The following RBFOX1 variants were observed in gnomAD, a reference collection of about 807,000 sequenced individuals.
RBFOX1 encodes RNA binding fox-1 homolog 1.
In RBFOX1, 8 loss-of-function variants were observed where a neutral mutation model predicts 57.7. That is an observed-to-expected ratio of 0.14 (90% CI 0.08 to 0.25). The LOEUF (loss-of-function observed/expected upper bound fraction) is 0.25, where lower values mean the gene tolerates loss of function less well. Ranked by LOEUF, RBFOX1 falls within the 10% of genes least tolerant of loss-of-function variation. The pLI is 1.00. For synonymous variants in RBFOX1, 326 were observed against 222.4 expected, an observed-to-expected ratio of 1.47 and a Z score of -4.15; for missense variants, 611 against 548.5, an observed-to-expected ratio of 1.11 and a Z score of -1.14.
intron 3 of RBFOX1, among the ~76,000 whole-genome samples, chr16:5,725,433 T>TA (rs1382118969): frequency 6.6e-5 from 10 of 151,862 alleles, no homozygotes; most frequent in Non-Finnish European, 4.4e-5. Flanking sequence ...TTATTATTAT[T>TA]TTTATTTTTT....
intron 3 of RBFOX1, among the ~76,000 whole-genome samples, chr16:5,817,912 G>C (rs1046602511): frequency 2.0e-5 from 3 of 151,890 alleles, no homozygotes; most frequent in Non-Finnish European, 4.4e-5. Context: ...GGATGGTCTC[G>C]ATCTCCTGAC....
At chr16:7,176,574 A>T (rs563835819) in intron 4 of RBFOX1, among the ~76,000 whole-genome samples, 8 of 152,296 alleles carry the variant, frequency 5.3e-5, no homozygotes, top group Admixed American at 5.2e-4. Flanking sequence ...CATATCGATT[A>T]TGGCTGTGTT....
chr16:7,262,650 T>C (rs1343557878), intron 4 of RBFOX1, among the ~76,000 whole-genome samples: 1 of 152,228 alleles, frequency 6.6e-6, no homozygotes, highest in Non-Finnish European at 1.5e-5. Flanking sequence ...CTGTCTCAAA[T>C]ACAATCTGCA....
intron 1 of RBFOX1, among the ~76,000 whole-genome samples, chr16:6,028,652 T>A (rs990262577): frequency 1.3e-5 from 2 of 151,790 alleles, no homozygotes; most frequent in Admixed American, 1.3e-4. Context: ...CTGCACTCCA[T>A]CCTTGGCAAC....
chr16:5,454,858 CTTTCTTTCTTT>C (rs2068545743), intron 1 of RBFOX1, among the ~76,000 whole-genome samples: 1 of 11,518 alleles, frequency 8.7e-5, no homozygotes, highest in Non-Finnish European at 2.1e-4. Context: ...TCTTTCTTTT[CTTTCTTTCTTT>C]CTTTCTTTCT....
At chr16:6,880,224 G>A (rs181700538) in intron 3 of RBFOX1, among the ~76,000 whole-genome samples, 1,988 of 147,260 alleles carry the variant, frequency 0.013, 56 homozygotes, top group African/African-American at 0.048. Context: ...TTTCCACCGG[G>A]GGGTAGCAAC....
In RBFOX1 at chr16:6,607,546, CTCCTCTTTCCCTCT is replaced by C. The variant is rs530071339; in HGVS notation, c.-63-47051_-63-47038del. The stretch of plus-strand genomic sequence containing the variant: ...ATCTATCTCCTCTCCCTCTTTCTTC[CTCCTCTTTCCCTCT>C]TCCTCCTCTCTCTCCGTCCTGTCTC... On this transcript the variant is annotated intron_variant, in intron 2 of 15. Coordinates refer to ENST00000550418, the MANE Select transcript of RBFOX1 (RefSeq NM_018723.4). 7.7e-3 allele frequency among the ~76,000 whole-genome samples: 1,146 copies of C among 148,722 alleles called. 10 individuals carry two copies. The highest frequency in any genetic ancestry group is 9.8e-3 in the Non-Finnish European group (658 of 67,000).
At chr16:6,980,987 C>A (rs961870449) in intron 3 of RBFOX1, among the ~76,000 whole-genome samples, 2 of 139,594 alleles carry the variant, frequency 1.4e-5, no homozygotes. Context: ...AGGTTGCAGT[C>A]TGCCGAGATC....
intron 2 of RBFOX1, among the ~76,000 whole-genome samples, chr16:6,401,254 A>G (rs989883014): frequency 6.6e-6 from 1 of 152,218 alleles, no homozygotes; most frequent in South Asian, 2.1e-4. Flanking sequence ...CAGATCTGGG[A>G]TAATCTGAGT....
At chr16:6,115,673 G>C (rs75548159) in intron 1 of RBFOX1, among the ~76,000 whole-genome samples, 1 of 152,088 alleles carries the variant, frequency 6.6e-6, no homozygotes, top group African/African-American at 2.4e-5. Context: ...CAGGATTTTT[G>C]TGTTGTGGGC....
intron 3 of RBFOX1, among the ~76,000 whole-genome samples, chr16:5,709,895 T>C (rs1236418765): frequency 8.0e-6 from 1 of 125,668 alleles, no homozygotes; most frequent in Non-Finnish European, 1.6e-5. Flanking sequence ...CCTTTATTCT[T>C]CACAACGGCC....
intron 7 of RBFOX1, among the ~76,000 whole-genome samples, chr16:7,593,560 A>G (rs1409344794): frequency 6.6e-6 from 1 of 152,212 alleles, no homozygotes; most frequent in African/African-American, 2.4e-5. Flanking sequence ...AAGATTATGG[A>G]AGGTAATTTG....
intron 3 of RBFOX1, among the ~76,000 whole-genome samples, chr16:5,866,519 A>G (rs1476242064): frequency 1.3e-5 from 2 of 152,222 alleles, no homozygotes; most frequent in Admixed American, 1.3e-4. Flanking sequence ...GTTATCACAC[A>G]GAGAAAAAGA....
At chr16:7,539,231 G>A (rs1187156668) in intron 5 of RBFOX1, among the ~76,000 whole-genome samples, 1 of 152,138 alleles carries the variant, frequency 6.6e-6, no homozygotes, top group African/African-American at 2.4e-5. Context: ...GAAGATTAAG[G>A]AGGGAGGGAC....
At chr16:5,286,470 G>T (rs769790636) in intron 1 of RBFOX1, among the ~76,000 whole-genome samples, 1 of 152,270 alleles carries the variant, frequency 6.6e-6, no homozygotes, top group East Asian at 1.9e-4. Context: ...CCCCCAGATG[G>T]TACATTCAGG....
intron 2 of RBFOX1, among the ~76,000 whole-genome samples, chr16:5,583,053 G>A (rs1011553995): frequency 7.2e-5 from 11 of 152,164 alleles, no homozygotes; most frequent in Non-Finnish European, 1.5e-4. Context: ...AAGGTAACAT[G>A]CCCAAGTTCA....
chr16:6,826,072 G>C (rs961356805), intron 3 of RBFOX1, among the ~76,000 whole-genome samples: 1 of 152,056 alleles, frequency 6.6e-6, no homozygotes, highest in South Asian at 2.1e-4. Context: ...GGTCCCCCAC[G>C]TTCATTGCCC....
chr16:6,568,653 AAG>A (rs1386460698), intron 2 of RBFOX1, among the ~76,000 whole-genome samples: 1 of 151,796 alleles, frequency 6.6e-6, no homozygotes, highest in Non-Finnish European at 1.5e-5. Flanking sequence ...TGATTCTCAG[AAG>A]AGAGCCCTGG....
At chr16:6,880,433 A>T (rs887291263) in intron 3 of RBFOX1, among the ~76,000 whole-genome samples, 2 of 152,214 alleles carry the variant, frequency 1.3e-5, no homozygotes, top group African/African-American at 4.8e-5. Flanking sequence ...GGTGCAGCCA[A>T]TCAGGGTTTG....
Sources: gnomAD v4.1 joint callset for allele counts (sites outside exome capture counted in the v4.1 genomes callset) on GRCh38, gnomAD v4.1.1 for gene constraint, MANE v1.5 for transcripts, NCBI Gene and HGNC (gene_info 2026-07-23, HGNC 2026-07-21) for gene names.